GRAP2: variants seen among roughly 807,000 people sequenced by gnomAD.
GRAP2 encodes GRB2 related adaptor protein 2.
In GRAP2, 31 loss-of-function variants were observed where a neutral mutation model predicts 43.5. The ratio of observed to expected loss-of-function variants is 0.71; its 90% confidence interval spans 0.54 to 0.96. The LOEUF (loss-of-function observed/expected upper bound fraction) is 0.96, where lower values mean the gene tolerates loss of function less well. Among genes scored for constraint, GRAP2 ranks in the 40% least tolerant of loss-of-function variants. The pLI, the probability that GRAP2 is intolerant of heterozygous loss-of-function variation, is 0.00. For missense variants in GRAP2, 371 were observed against 424.4 expected (o/e 0.87, Z 1.11); for synonymous variants, 156 against 164.8 (o/e 0.95, Z 0.41).
rs2066956775 is a variant in GRAP2, at chr22:39,949,233, GCC to G, written c.78+2052_78+2053del. Among the ~76,000 whole-genome samples, 5 of 152,200 alleles carry G rather than the reference GCC, an allele frequency of 3.3e-5. No individual in the cohort carries two copies. In the South Asian group the frequency reaches 1.0e-3, roughly 32 times the overall value. On this transcript the variant is annotated intron_variant, in intron 2 of 7. Coordinates refer to ENST00000344138, the MANE Select transcript of GRAP2 (RefSeq NM_004810.4). ...ATCCTAGGTCAGTCACAAGCTAGAA[GCC>G]CCAATTATCATCAATGCCTCCTTTA...
At chr22:39,942,944 A>G (rs1209790933) in intron 1 of GRAP2, among the ~76,000 whole-genome samples, 1 of 152,238 alleles carries the variant, frequency 6.6e-6, no homozygotes, top group African/African-American at 2.4e-5. Context: ...AAGTATTCAG[A>G]TTAGAGCTCT....
chr22:39,904,127 C>T (rs1293748959), intron 1 of GRAP2, among the ~76,000 whole-genome samples: 1 of 152,228 alleles, frequency 6.6e-6, no homozygotes, highest in Non-Finnish European at 1.5e-5. Flanking sequence ...CAGTGGCTCA[C>T]ACCTGTAATC....
intron 2 of GRAP2, among the ~76,000 whole-genome samples, chr22:39,949,157 T>C (rs2066955814): frequency 6.6e-6 from 1 of 151,698 alleles, no homozygotes; most frequent in African/African-American, 2.4e-5. Flanking sequence ...CCCATGCCCA[T>C]CTCACCCCCA....
chr22:39,933,798 G>A lies in GRAP2; in HGVS notation c.-14-13295G>A, dbSNP rs191555376. Among the ~76,000 whole-genome samples, 1,097 of 150,980 alleles carry A rather than the reference G, an allele frequency of 7.3e-3. 15 individuals are homozygous for A. The highest frequency in any genetic ancestry group is 0.024 in the African/African-American group (994 of 41,064). ...GAATGTTTCAGTGAGCCAAGATTGCGCCACTGCACTCCAACCTGAGCAACA... is the reference window on the plus strand; with the variant it reads ...GAATGTTTCAGTGAGCCAAGATTGCACCACTGCACTCCAACCTGAGCAACA... On this transcript the variant is annotated intron_variant, in intron 1 of 7. Transcript: ENST00000344138.
intron 1 of GRAP2, among the ~76,000 whole-genome samples, chr22:39,920,358 T>A (rs1344633623): frequency 6.6e-6 from 1 of 152,226 alleles, no homozygotes; most frequent in African/African-American, 2.4e-5. Flanking sequence ...ATGTGTGAAC[T>A]GATAACACAT....
intron 1 of GRAP2, among the ~76,000 whole-genome samples, chr22:39,920,620 C>G (rs1342708620): frequency 6.6e-6 from 1 of 152,168 alleles, no homozygotes; most frequent in Non-Finnish European, 1.5e-5. Context: ...CCATTCTGTG[C>G]TGACTGTGAC....
At chr22:39,954,501 TCTC>T (rs1212535684) in intron 2 of GRAP2, among the ~76,000 whole-genome samples, 1 of 152,128 alleles carries the variant, frequency 6.6e-6, no homozygotes, top group Non-Finnish European at 1.5e-5. Flanking sequence ...TTCAAGCAAT[TCTC>T]CTGCCTCAGC....
intron 1 of GRAP2, among the ~76,000 whole-genome samples, chr22:39,923,229 A>G (rs1472528265): frequency 2.0e-5 from 3 of 152,192 alleles, no homozygotes; most frequent in Non-Finnish European, 4.4e-5. Flanking sequence ...ATAGATTGGC[A>G]CAAATCCATC....
At chr22:39,936,568 T>A (rs913166205) in intron 1 of GRAP2, among the ~76,000 whole-genome samples, 3 of 152,114 alleles carry the variant, frequency 2.0e-5, no homozygotes, top group African/African-American at 7.2e-5. Flanking sequence ...CATGGTAAGT[T>A]ATTAATGTTT....
At position 39,969,531 on chromosome 22, in the gene GRAP2, G is replaced by A; in HGVS notation, c.811G>A (p.Gly271Arg). The change falls in exon 7 of 8, where the codon GGG (glycine) becomes AGG (arginine). Residue 271 changes from glycine (G) to arginine (R), a missense_variant and splice_region_variant. Physicochemically the swap from Gly to Arg is moderately radical, Grantham distance 125. Coordinates refer to ENST00000344138, the MANE Select transcript of GRAP2 (RefSeq NM_004810.4). ...AGACCCAGTGCAGCTCCAGGCGGCA[G>A]GGGTATGGGAACTGTCCTTCTCTGG... ...HTDPVQLQAA[G>R]RVRWARALYD... is the part of the protein sequence containing the mutation. The A allele has an allele frequency of 6.2e-7, 1 of 1,613,838 alleles. No homozygotes were observed. Among genetic ancestry groups the A allele is most frequent in the South Asian group, 1.1e-5 (1 of 91,074 alleles).
chr22:39,932,612 G>A (rs2066767250), intron 1 of GRAP2, among the ~76,000 whole-genome samples: 1 of 151,308 alleles, frequency 6.6e-6, no homozygotes, highest in African/African-American at 2.4e-5. Flanking sequence ...CAGCTATTTG[G>A]GAGGCTGAGA....
chr22:39,962,659 G>A (rs1488787102), intron 4 of GRAP2, among the ~76,000 whole-genome samples: 2 of 151,712 alleles, frequency 1.3e-5, no homozygotes, highest in Non-Finnish European at 2.9e-5. Context: ...TGGTTTTTGT[G>A]GTTTCGTTGG....
chr22:39,905,658 T>C (rs1340852305), intron 1 of GRAP2, among the ~76,000 whole-genome samples: 2 of 152,240 alleles, frequency 1.3e-5, no homozygotes, highest in African/African-American at 4.8e-5. Flanking sequence ...ACTCGTCTAC[T>C]TCTTCTAATG....
intron 5 of GRAP2, 71 bp downstream of exon 5, chr22:39,966,229 G>T: frequency 8.3e-7 from 1 of 1,208,292 alleles, no homozygotes; most frequent in Admixed American, 1.8e-5. Context: ...GAACCACCAG[G>T]AAAAATGCAT....
At chr22:39,953,004 A>G (rs750680457) in intron 2 of GRAP2, among the ~76,000 whole-genome samples, 1 of 152,130 alleles carries the variant, frequency 6.6e-6, no homozygotes, top group Non-Finnish European at 1.5e-5. Flanking sequence ...TCTCGTTCCC[A>G]ACTCACAACA....
At chr22:39,939,674 C>T (rs2066846144) in intron 1 of GRAP2, among the ~76,000 whole-genome samples, 1 of 151,724 alleles carries the variant, frequency 6.6e-6, no homozygotes, top group Admixed American at 6.6e-5. Flanking sequence ...CTTTGGGAGG[C>T]TGAGGCAGGT....
At chr22:39,962,435 A>G (rs2067129343) in intron 4 of GRAP2, among the ~76,000 whole-genome samples, 1 of 152,060 alleles carries the variant, frequency 6.6e-6, no homozygotes, top group African/African-American at 2.4e-5. Context: ...AAGAGAAAAA[A>G]ATTATTTACA....
At chr22:39,956,352 T>G (rs1471843307) in intron 3 of GRAP2, among the ~76,000 whole-genome samples, 1 of 151,748 alleles carries the variant, frequency 6.6e-6, no homozygotes, top group Admixed American at 6.6e-5. Context: ...GAGACAGGGT[T>G]TTACCATGTT....
the GRAP2 span, among the ~76,000 whole-genome samples, chr22:39,895,846 G>A: frequency 4.6e-5 from 7 of 152,198 alleles, no homozygotes; most frequent in Admixed American, 2.6e-4. Context: ...AGGGGGACTT[G>A]TCTATATTTG....
Sources: gnomAD v4.1 joint callset for allele counts (sites outside exome capture counted in the v4.1 genomes callset) on GRCh38, gnomAD v4.1.1 for gene constraint, MANE v1.5 for transcripts, NCBI Gene and HGNC (gene_info 2026-07-23, HGNC 2026-07-21) for gene names.